SH3PXD2B: variants seen among roughly 807,000 people sequenced by gnomAD.
SH3PXD2B encodes SH3 and PX domain-containing protein 2B.
Under a neutral mutation model 73.1 loss-of-function variants are expected in SH3PXD2B, and 37 were observed. The ratio of observed to expected loss-of-function variants is 0.51; its 90% CI spans 0.39 to 0.67. SH3PXD2B has a LOEUF of 0.67. Among genes scored for constraint, SH3PXD2B ranks in the 30% least tolerant of loss-of-function variants. The probability of loss-of-function intolerance (pLI) is 0.00; values close to 1 mark genes in which losing one functional copy is unlikely to be tolerated. For missense variants in SH3PXD2B, 1,053 were observed against 1,197.8 expected (o/e 0.88, Z 1.78); for synonymous variants, 457 against 480.5 (o/e 0.95, Z 0.64).
intron 1 of SH3PXD2B, among the ~76,000 whole-genome samples, chr5:172,439,690 G>GTGCACACACA (rs1554087686): frequency 6.2e-5 from 7 of 113,166 alleles, no homozygotes; most frequent in East Asian, 7.0e-4. Flanking sequence ...GCGCACGCGC[G>GTGCACACACA]CGCACACACA....
chr5:172,427,896 C>T (rs1406678538), intron 1 of SH3PXD2B, among the ~76,000 whole-genome samples: 1 of 151,694 alleles, frequency 6.6e-6, no homozygotes, highest in East Asian at 1.9e-4. Context: ...TCTGCCTCAG[C>T]CTCCCAAGCA....
downstream of SH3PXD2B, among the ~76,000 whole-genome samples, chr5:172,331,989 G>A (rs1756564217): frequency 1.3e-5 from 2 of 152,148 alleles, no homozygotes; most frequent in Non-Finnish European, 2.9e-5. Context: ...AGGGAATGGC[G>A]AGTGTGACAC....
intron 2 of SH3PXD2B, among the ~76,000 whole-genome samples, chr5:172,412,142 T>C (rs1265466923): frequency 1.3e-5 from 2 of 152,200 alleles, no homozygotes; most frequent in Non-Finnish European, 2.9e-5. Context: ...GTGGCAGAAT[T>C]TCCTTCTTTT....
chr5:172,388,740 G>C (rs1758108175), intron 4 of SH3PXD2B, among the ~76,000 whole-genome samples: 1 of 152,236 alleles, frequency 6.6e-6, no homozygotes, highest in African/African-American at 2.4e-5. Context: ...TTTGGGCTGA[G>C]GGACAACAGA....
intron 5 of SH3PXD2B, among the ~76,000 whole-genome samples, chr5:172,379,514 G>C (rs1488911173): frequency 6.6e-6 from 1 of 152,124 alleles, no homozygotes; most frequent in African/African-American, 2.4e-5. Flanking sequence ...TGATATTTTT[G>C]TCATAGCAGG....
intron 6 of SH3PXD2B, among the ~76,000 whole-genome samples, chr5:172,363,964 G>C (rs1281314719): frequency 6.6e-6 from 1 of 152,192 alleles, no homozygotes; most frequent in Admixed American, 6.5e-5. Flanking sequence ...TAGACATGAA[G>C]ATGTCAAGGA....
At chr5:172,416,205 G>A (rs1561931086) in intron 2 of SH3PXD2B, among the ~76,000 whole-genome samples, 1 of 152,138 alleles carries the variant, frequency 6.6e-6, no homozygotes, top group Non-Finnish European at 1.5e-5. Context: ...GCACACACCT[G>A]TAGTCTCAGC....
intron 1 of SH3PXD2B, among the ~76,000 whole-genome samples, chr5:172,440,131 G>A (rs1260495059): frequency 1.3e-5 from 2 of 152,212 alleles, no homozygotes; most frequent in Non-Finnish European, 2.9e-5. Context: ...AACAGACCTG[G>A]GTGAAAGATT....
downstream of SH3PXD2B, among the ~76,000 whole-genome samples, chr5:172,331,907 T>C (rs1056866989): frequency 1.9e-4 from 29 of 152,152 alleles, 1 homozygote; most frequent in South Asian, 1.2e-3. Context: ...GATTGCGCCA[T>C]TGCACTCCAG....
In SH3PXD2B at chr5:172,454,338, G is replaced by C. The variant is rs1162088384; in HGVS notation, c.15C>G (p.Arg5=). MPPR[R]SIVEVKVLDV... is the part of the protein sequence containing the mutation. ...CTAGCACCTTCACCTCCACGATGCTGCGCCGCGGCGGCATGGCCGCTCCTC... is the reference window on the plus strand; with the variant it reads ...CTAGCACCTTCACCTCCACGATGCTCCGCCGCGGCGGCATGGCCGCTCCTC... Residue 5 remains arginine (R), a synonymous_variant, in exon 1 of 13, where the codon CGC becomes CGG. Transcript: ENST00000311601. 3.3e-6 allele frequency: 5 copies of C among 1,536,154 alleles called. No individual in the cohort carries two copies. The African/African-American group carries it at 7.1e-5, about 22-fold the overall frequency.
chr5:172,389,075 A>C (rs77378878), intron 4 of SH3PXD2B, among the ~76,000 whole-genome samples: 1 of 122,180 alleles, frequency 8.2e-6, no homozygotes, highest in Non-Finnish European at 1.6e-5. Context: ...TTTTTTTTTG[A>C]GACTGAGTCT....
rs1392572979 is a variant in SH3PXD2B, at chr5:172,378,964, G to A, written c.401+3072C>T. ...GGGCGCCTGTAGTCCCAGCTACTTG[G>A]GAGGCTGAGGCAGGAGAATGGTGTG... On this transcript the variant is annotated intron_variant, in intron 5 of 12. Coordinates refer to ENST00000311601, the MANE Select transcript of SH3PXD2B (RefSeq NM_001017995.3). 2.0e-5 allele frequency among the ~76,000 whole-genome samples: 3 copies of A among 151,668 alleles called. No homozygotes were observed. In the East Asian group the frequency reaches 5.8e-4, roughly 29 times the overall value.
At chr5:172,400,994 T>G (rs1758409963) in intron 3 of SH3PXD2B, among the ~76,000 whole-genome samples, 1 of 152,222 alleles carries the variant, frequency 6.6e-6, no homozygotes, top group Non-Finnish European at 1.5e-5. Flanking sequence ...TTATAGTCAC[T>G]GCACTGGCCA....
At chr5:172,396,379 A>G (rs1447294990) in intron 3 of SH3PXD2B, among the ~76,000 whole-genome samples, 1 of 149,892 alleles carries the variant, frequency 6.7e-6, no homozygotes, top group Non-Finnish European at 1.5e-5. Context: ...CTCCGTCTCA[A>G]AAAAAAAAAG....
In SH3PXD2B at chr5:172,350,308, C is replaced by T. The variant is rs981187090; in HGVS notation, c.1012+55G>A. The T allele has an allele frequency of 1.9e-6, 3 of 1,571,446 alleles. No individual in the cohort carries two copies. In the East Asian group the frequency reaches 6.7e-5, roughly 35 times the overall value. On this transcript the variant is annotated intron_variant, in intron 10 of 12. Coordinates refer to ENST00000311601, the MANE Select transcript of SH3PXD2B (RefSeq NM_001017995.3). The stretch of plus-strand genomic sequence containing the variant: ...GGGACGATGTGAGACGCCTTGAGCA[C>T]AGAGCTGGCACACAGGGGCCCTGAT...
At chr5:172,347,395 A>G in intron 10 of SH3PXD2B, 63 bp from the exon 11 acceptor site, 8 of 1,562,530 alleles carry the variant, frequency 5.1e-6, no homozygotes, top group Non-Finnish European at 7.1e-6. Flanking sequence ...GCTGGGTGCC[A>G]GGTCGGGTCT....
At chr5:172,389,593 G>A (rs2113388494) in intron 4 of SH3PXD2B, among the ~76,000 whole-genome samples, 1 of 125,142 alleles carries the variant, frequency 8.0e-6, no homozygotes, top group South Asian at 2.8e-4. Flanking sequence ...AAAAAAATTG[G>A]TATGTGCTGG....
In SH3PXD2B at chr5:172,346,196, G is replaced by A. The variant is rs115874629; in HGVS notation, c.1128C>T (p.Ile376=). ...CTGGGATGGTTGTCTGGAATTCGGCGATGGTGTAATACTCTTCCTCCACTT... is the reference window on the plus strand; with the variant it reads ...CTGGGATGGTTGTCTGGAATTCGGCAATGGTGTAATACTCTTCCTCCACTT... ...PPQVEEEYYT[I]AEFQTTIPDG... The change falls in exon 12 of 13, where the codon ATC becomes ATT. Residue 376 remains isoleucine, a synonymous_variant. Transcript: ENST00000311601. 153 of 1,614,154 alleles carry A rather than the reference G, an allele frequency of 9.5e-5. 1 individual carries two copies. In the African/African-American group the frequency reaches 1.6e-3, roughly 17 times the overall value.
intron 1 of SH3PXD2B, among the ~76,000 whole-genome samples, chr5:172,426,410 C>A (rs1759097351): frequency 6.6e-6 from 1 of 152,208 alleles, no homozygotes; most frequent in Non-Finnish European, 1.5e-5. Flanking sequence ...GGACAATAAT[C>A]TCCCTTGAGG....
Sources: gnomAD v4.1 joint callset for allele counts (sites outside exome capture counted in the v4.1 genomes callset) on GRCh38, gnomAD v4.1.1 for gene constraint, MANE v1.5 for transcripts, NCBI Gene and HGNC (gene_info 2026-07-23, HGNC 2026-07-21) for gene names.